GATA4: variants seen among roughly 807,000 people sequenced by gnomAD.
GATA4 encodes GATA binding protein 4.
GATA4 carries 7 observed loss-of-function variants against 37.9 expected under a neutral mutation model. That is an observed-to-expected ratio of 0.18 (90% CI 0.11 to 0.35). The LOEUF (loss-of-function observed/expected upper bound fraction) is 0.35, where lower values mean the gene tolerates loss of function less well. Among genes scored for constraint, GATA4 ranks in the 10% least tolerant of loss-of-function variants. GATA4 has a pLI of 1.00. For missense variants in GATA4, 647 were observed against 653.0 expected, an observed-to-expected ratio of 0.99 and a Z score of 0.10; for synonymous variants, 372 against 292.6, an observed-to-expected ratio of 1.27 and a Z score of -2.77.
At chr8:11,700,621 GCAGACCGGCGCCCAGGCC>G (rs1371822752), upstream of GATA4, 5 of 152,294 alleles carry the variant, frequency 3.3e-5, no homozygotes, top group African/African-American at 1.2e-4. Context: ...AAGGAGTATC[GCAGACCGGCGCCCAGGCC>G]CAGCGGGGGA....
chr8:11,732,952 G>T (rs1383719343), intron 2 of GATA4, among the ~76,000 whole-genome samples: 3 of 152,218 alleles, frequency 2.0e-5, no homozygotes, highest in Admixed American at 6.5e-5. Context: ...CCTCCCAAAT[G>T]CCCAACCTCC....
At chr8:11,692,687 G>A (rs1025277766) in intron 1 of GATA4, 3 of 985,054 alleles carry the variant, frequency 3.0e-6, no homozygotes, top group African/African-American at 3.5e-5. Flanking sequence ...GGGGGTGAGG[G>A]GTGCGGGGCT....
intron 1 of GATA4, chr8:11,705,849 G>C (rs916789547): frequency 5.9e-5 from 9 of 152,176 alleles, no homozygotes; most frequent in African/African-American, 2.2e-4. Flanking sequence ...AAGTCTGCAA[G>C]TTACTACCTG....
chr8:11,709,987 C>T lies in GATA4; in HGVS notation c.616+1059C>T, dbSNP rs1429009035. The stretch of plus-strand genomic sequence containing the variant: ...GGAAGCCCAGGCTTGAGAAGCAAAG[C>T]TCGCGTTTATTGACCACCTACTAAG... On this transcript the variant is annotated intron_variant, in intron 2 of 6. Transcript: ENST00000532059. The surrounding 1 kb of genome is among the most constrained non-coding windows in gnomAD (Gnocchi z 4.3). Among the ~76,000 whole-genome samples, 2 of 152,204 alleles carry T rather than the reference C, an allele frequency of 1.3e-5. No individual in the cohort carries two copies. Among genetic ancestry groups the T allele is most frequent in the Non-Finnish European group, 2.9e-5 (2 of 68,024 alleles).
intron 1 of GATA4, among the ~76,000 whole-genome samples, chr8:11,683,607 G>T (rs145537895): frequency 6.6e-6 from 1 of 152,070 alleles, no homozygotes; most frequent in Non-Finnish European, 1.5e-5. Context: ...TTTCCTCTGC[G>T]CTGGGCGTTA....
At chr8:11,746,363 T>C (rs1470476589) in intron 2 of GATA4, among the ~76,000 whole-genome samples, 1 of 151,972 alleles carries the variant, frequency 6.6e-6, no homozygotes, top group Non-Finnish European at 1.5e-5. Flanking sequence ...GTGAACCCGG[T>C]CTCTAAAGAG....
chr8:11,716,617 C>T (rs1177471956), intron 2 of GATA4, among the ~76,000 whole-genome samples: 3 of 152,300 alleles, frequency 2.0e-5, no homozygotes, highest in South Asian at 2.1e-4. Flanking sequence ...GCGGACACCC[C>T]AGCCCCACAC....
At position 11,709,577 on chromosome 8, in the gene GATA4, G is replaced by GGTGGGGGC. The variant is rs1554488909; in HGVS notation, c.616+650_616+651insTGGGGGCG. On this transcript the variant is annotated intron_variant, in intron 2 of 6. Coordinates refer to ENST00000532059, the MANE Select transcript of GATA4 (RefSeq NM_001308093.3). The surrounding 1 kb of genome is among the most constrained non-coding windows in gnomAD (Gnocchi z 4.3). ...GCGTGGGCGCATCATGCGGGCAGCGGGGGGGGGGGCGCACACGCCCGGTCA... is the reference window on the plus strand; with the variant it reads ...GCGTGGGCGCATCATGCGGGCAGCGGGTGGGGGCGGGGGGGGGCGCACACGCCCGGTCA... Among the ~76,000 whole-genome samples the GGTGGGGGC allele has an allele frequency of 2.2e-5, 3 of 136,380 alleles. No homozygotes were observed. Among genetic ancestry groups the GGTGGGGGC allele is most frequent in the Non-Finnish European group, 4.7e-5 (3 of 63,532 alleles). The allele number at this position is 136,380 out of a possible 152,430, so 89.5% of individuals were successfully genotyped here.
intron 2 of GATA4, among the ~76,000 whole-genome samples, chr8:11,720,253 A>C (rs1800610955): frequency 6.6e-6 from 1 of 151,966 alleles, no homozygotes; most frequent in Admixed American, 6.6e-5. Flanking sequence ...GTCTTCCGGC[A>C]TGCCCCGTGA....
chr8:11,746,554 T>C (rs2130295259), intron 2 of GATA4, among the ~76,000 whole-genome samples: 1 of 152,352 alleles, frequency 6.6e-6, no homozygotes, highest in East Asian at 1.9e-4. Flanking sequence ...ACGACGACGT[T>C]GCCCGCGCCC....
chr8:11,749,988 C>A lies in GATA4; in HGVS notation c.787-123C>A. Reference sequence around the variant, plus strand: ...GCCGTCACAGGTCAGAGATCTCATGCAGGGTCGTTAGGGCCCAGCCCTGCC... The same window carrying A: ...GCCGTCACAGGTCAGAGATCTCATGAAGGGTCGTTAGGGCCCAGCCCTGCC... On this transcript the variant is annotated intron_variant, in intron 3 of 6. Coordinates refer to ENST00000532059, the MANE Select transcript of GATA4 (RefSeq NM_001308093.3). This position sits in a 1 kb window ranked among gnomAD's most constrained non-coding sequence, Gnocchi z 4.6. The A allele has an allele frequency of 1.5e-6, 2 of 1,330,454 alleles. No individual in the cohort carries two copies. Among genetic ancestry groups the A allele is most frequent in the Non-Finnish European group, 2.1e-6 (2 of 942,720 alleles). The allele number at this position is 1,330,454 out of a possible 1,614,324, so 82.4% of individuals were successfully genotyped here.
intron 2 of GATA4, among the ~76,000 whole-genome samples, chr8:11,738,647 A>C (rs1432361036): frequency 6.6e-6 from 1 of 152,242 alleles, no homozygotes; most frequent in African/African-American, 2.4e-5. Flanking sequence ...TGGAGGATAA[A>C]TTCCTGGAAG....
intron 2 of GATA4, among the ~76,000 whole-genome samples, chr8:11,740,164 C>T (rs1457204340): frequency 1.3e-5 from 2 of 152,186 alleles, no homozygotes; most frequent in East Asian, 1.9e-4. Context: ...AATGCGTTGT[C>T]CTGGCCTCTT....
chr8:11,754,786 G>T (rs1802469677), intron 4 of GATA4, among the ~76,000 whole-genome samples: 1 of 152,188 alleles, frequency 6.6e-6, no homozygotes, highest in Non-Finnish European at 1.5e-5. Flanking sequence ...CTGAGGGTAG[G>T]AGCTGTGTGT....
At chr8:11,703,105 G>T (rs1310169348), upstream of GATA4, among the ~76,000 whole-genome samples, 2 of 151,964 alleles carry the variant, frequency 1.3e-5, no homozygotes, top group Non-Finnish European at 2.9e-5. Flanking sequence ...CGTGCAGGGT[G>T]TTATCCCGAC....
At chr8:11,697,662 G>C in intron 1 of GATA4, 14 of 985,474 alleles carry the variant, frequency 1.4e-5, no homozygotes, top group Non-Finnish European at 1.7e-5. Context: ...AGGACCCCGG[G>C]TCTTCGCGCC....
chr8:11,717,427 G>A (rs1800484360), intron 2 of GATA4, among the ~76,000 whole-genome samples: 1 of 152,166 alleles, frequency 6.6e-6, no homozygotes, highest in African/African-American at 2.4e-5. Context: ...CTTTCTCCAA[G>A]AGGTAGATAC....
intron 4 of GATA4, among the ~76,000 whole-genome samples, chr8:11,752,696 A>C (rs1466366284): frequency 6.6e-6 from 1 of 152,246 alleles, no homozygotes; most frequent in African/African-American, 2.4e-5. Flanking sequence ...ACAGGCTGTT[A>C]AATCCATTTG....
chr8:11,678,734 G>A (rs1206107929), intron 1 of GATA4, among the ~76,000 whole-genome samples: 2 of 152,188 alleles, frequency 1.3e-5, no homozygotes, highest in African/African-American at 4.8e-5. Flanking sequence ...TCGGTCTACA[G>A]TAAAGGATAC....
Sources: allele counts gnomAD v4.1 joint callset (sites outside exome capture counted in the v4.1 genomes callset), GRCh38; gene constraint gnomAD v4.1.1; non-coding constraint Gnocchi (gnomAD v3.1); transcripts MANE v1.5; gene names NCBI Gene and HGNC (gene_info 2026-07-23, HGNC 2026-07-21).